NFASC: variants seen among roughly 807,000 people sequenced by gnomAD.
NFASC encodes neurofascin homolog.
NFASC carries 43 observed loss-of-function variants against 147.5 expected under a neutral mutation model. The observed-to-expected ratio is 0.29, with a 90% CI of 0.23 to 0.38. The LOEUF is 0.38. Ranked by LOEUF, NFASC falls within the 10% of genes least tolerant of loss-of-function variation. The pLI is 1.00. For synonymous variants in NFASC, 622 were observed against 665.5 expected (o/e 0.93, Z 1.01); for missense variants, 1,320 against 1,689.0 (o/e 0.78, Z 3.83).
chr1:204,933,802 A>G (rs1371993069), intron 2 of NFASC, among the ~76,000 whole-genome samples: 1 of 151,932 alleles, frequency 6.6e-6, no homozygotes, highest in African/African-American at 2.4e-5. Context: ...TAGTATGCAT[A>G]TATAGGGAGG....
chr1:204,991,477 G>A (rs949102532), intron 24 of NFASC, among the ~76,000 whole-genome samples, 171 bp downstream of exon 24: 1 of 152,212 alleles, frequency 6.6e-6, no homozygotes, highest in African/African-American at 2.4e-5. Flanking sequence ...TGGAGGATGG[G>A]ACCAGAGGAG....
intron 1 of NFASC, among the ~76,000 whole-genome samples, chr1:204,868,743 G>A (rs1254473940): frequency 6.6e-6 from 1 of 152,186 alleles, no homozygotes; most frequent in Non-Finnish European, 1.5e-5. Flanking sequence ...CAGGAGGCAG[G>A]AGCATGGGGG....
Position 204,968,276 on chromosome 1 carries a change from G to C in NFASC, c.734G>C (p.Ser245Thr). 1 of 1,614,162 alleles carries C rather than the reference G, an allele frequency of 6.2e-7. No homozygotes were observed. Among genetic ancestry groups the C allele is most frequent in the South Asian group, 1.1e-5 (1 of 91,084 alleles). ...TTRGVAERTP[S>T]FMYPQGTASS... The stretch of plus-strand genomic sequence containing the variant: ...CGAGGAGTTGCAGAAAGAACACCAA[G>C]CTTCATGTATCCCCAGGGCACCGCG... Residue 245 changes from serine (S) to threonine (T), a missense_variant, in exon 9 of 30, where the codon AGC becomes ACC. Physicochemically the swap from Ser to Thr is moderately conservative, Grantham distance 58. Transcript: ENST00000339876. This position sits in a 1 kb window ranked among gnomAD's most constrained non-coding sequence, Gnocchi z 5.4.
At chr1:204,947,102 CA>C in intron 3 of NFASC, 1 of 313,426 alleles carries the variant, frequency 3.2e-6, no homozygotes, top group East Asian at 7.9e-5. Context: ...GAAACAGGCC[CA>C]AAAGAACGGG....
chr1:204,907,277 G>A (rs1477320876), intron 1 of NFASC, among the ~76,000 whole-genome samples: 1 of 152,028 alleles, frequency 6.6e-6, no homozygotes, highest in Non-Finnish European at 1.5e-5. Context: ...TGTCTGTTTA[G>A]CAAAATGATC....
At chr1:204,925,184 G>A (rs7532428) in intron 2 of NFASC, among the ~76,000 whole-genome samples, 1,757 of 152,342 alleles carry the variant, frequency 0.012, 35 homozygotes, top group African/African-American at 0.03. Flanking sequence ...TTGAATGCCA[G>A]CTATGTGCCA....
At chr1:204,858,886 T>G (rs1210717645) in intron 1 of NFASC, among the ~76,000 whole-genome samples, 2 of 152,148 alleles carry the variant, frequency 1.3e-5, no homozygotes, top group African/African-American at 2.4e-5. Flanking sequence ...CCAGGCATCT[T>G]GCTTTAGTGG....
At chr1:204,922,216 T>C (rs2090637640) in intron 2 of NFASC, among the ~76,000 whole-genome samples, 1 of 152,082 alleles carries the variant, frequency 6.6e-6, no homozygotes, top group African/African-American at 2.4e-5. Flanking sequence ...CTTCCCACTC[T>C]CTATCCCTGT....
chr1:205,012,922 A>T (rs2096279779), intron 29 of NFASC, 56 bp downstream of exon 29: 1 of 1,262,058 alleles, frequency 7.9e-7, no homozygotes, highest in African/African-American at 1.5e-5. Flanking sequence ...TCCCTGAGGC[A>T]CCACCCTCCC....
chr1:204,844,144 G>A (rs1309995219), intron 1 of NFASC, among the ~76,000 whole-genome samples: 1 of 152,178 alleles, frequency 6.6e-6, no homozygotes, highest in Non-Finnish European at 1.5e-5. Flanking sequence ...ACACTGCCTG[G>A]GTTTCCATTT....
chr1:204,931,460 A>G (rs1338727903), intron 2 of NFASC, among the ~76,000 whole-genome samples: 1 of 152,006 alleles, frequency 6.6e-6, no homozygotes, highest in African/African-American at 2.4e-5. Context: ...TTGGGCTTTT[A>G]TTATCTCTTT....
At position 205,016,875 on chromosome 1, in the gene NFASC, G is replaced by T. The variant is rs2096366907; in HGVS notation, c.*336G>T. ...GCCTCGGCACACGCTCACCTTTTCT[G>T]TTGGTTACGGGACTTCTCATTGTCT... is the stretch of plus-strand genomic sequence containing the variant. On this transcript the variant is annotated 3_prime_UTR_variant, in exon 30 of 30. Coordinates refer to ENST00000339876, the MANE Select transcript of NFASC (RefSeq NM_001005388.3). This position sits in a 1 kb window ranked among gnomAD's most constrained non-coding sequence, Gnocchi z 5.1. The T allele has an allele frequency of 7.4e-6, 3 of 406,908 alleles. No homozygotes were observed. Among genetic ancestry groups the T allele is most frequent in the South Asian group, 6.4e-5 (3 of 47,170 alleles). The allele number at this position is 406,908 out of a possible 1,614,324, so 25.2% of individuals were successfully genotyped here.
At chr1:204,882,102 G>A (rs1221233430) in intron 1 of NFASC, among the ~76,000 whole-genome samples, 4 of 152,182 alleles carry the variant, frequency 2.6e-5, no homozygotes, top group East Asian at 3.9e-4. Context: ...CTCTCTCCCC[G>A]ACTGAAAGAC....
intron 2 of NFASC, among the ~76,000 whole-genome samples, chr1:204,941,473 A>G (rs111267767): frequency 0.013 from 1,960 of 152,224 alleles, 13 homozygotes; most frequent in Non-Finnish European, 0.021. Flanking sequence ...CCAAAATAAA[A>G]TATCCGTCTC....
rs187310125 is a variant in NFASC, at chr1:204,839,777, G to A, written c.-200+10995G>A. On this transcript the variant is annotated intron_variant, in intron 1 of 29. Transcript: ENST00000339876. ...TTTTTGTCACTTAAATGGTGACAGA[G>A]CCTTGCTCTTAGACTTCCTTTTAGT... Among the ~76,000 whole-genome samples the A allele has an allele frequency of 3.9e-5, 6 of 152,362 alleles. No homozygotes were observed. The East Asian group carries it at 1.2e-3, about 29-fold the overall frequency.
At chr1:204,948,577 G>C in intron 3 of NFASC, 1 of 517,308 alleles carries the variant, frequency 1.9e-6, no homozygotes. Context: ...GGATGGATTT[G>C]TTAAAAACAA....
chr1:204,954,911 G>A lies in NFASC; in HGVS notation c.495G>A (p.Pro165=), dbSNP rs77635708. The A allele has an allele frequency of 6.2e-4, 1,003 of 1,614,020 alleles. 4 individuals are homozygous for A. The African/African-American group carries it at 0.012, about 19-fold the overall frequency. ...GAPLTLQCNP[P]PGLPSPVIFW... ...CTTTGACGCTCCAGTGCAACCCCCCGCCTGGACTTCCATCCCCGGTCATCT... is the reference window on the plus strand; with the variant it reads ...CTTTGACGCTCCAGTGCAACCCCCCACCTGGACTTCCATCCCCGGTCATCT... Residue 165 remains proline (P), a synonymous_variant, in exon 7 of 30, where the codon CCG becomes CCA. Coordinates refer to ENST00000339876, the MANE Select transcript of NFASC (RefSeq NM_001005388.3). This position sits in a 1 kb window ranked among gnomAD's most constrained non-coding sequence, Gnocchi z 5.7.
chr1:205,002,213 G>A (rs2096003193), intron 26 of NFASC, among the ~76,000 whole-genome samples: 1 of 152,186 alleles, frequency 6.6e-6, no homozygotes, highest in South Asian at 2.1e-4. Context: ...TTTCAGGAGG[G>A]ATGCTAACTG....
At chr1:204,842,545 A>G (rs185945580) in intron 1 of NFASC, among the ~76,000 whole-genome samples, 52 of 152,268 alleles carry the variant, frequency 3.4e-4, no homozygotes, top group African/African-American at 1.2e-3. Flanking sequence ...TTGGAATAGA[A>G]ACTTCCAGTT....
Sources: allele counts gnomAD v4.1 joint callset (sites outside exome capture counted in the v4.1 genomes callset), GRCh38; gene constraint gnomAD v4.1.1; non-coding constraint Gnocchi (gnomAD v3.1); transcripts MANE v1.5; gene names NCBI Gene and HGNC (gene_info 2026-07-23, HGNC 2026-07-21).